The following ATP11C variants were observed in gnomAD, a reference collection of about 807,000 sequenced individuals.
The protein encoded by ATP11C is phospholipid-transporting ATPase IG.
A neutral mutation model predicts 97.4 loss-of-function variants in ATP11C; 36 were observed. That is an observed-to-expected ratio of 0.37 (90% CI 0.28 to 0.49). ATP11C has a LOEUF of 0.49. Ranked by LOEUF, ATP11C falls within the 20% of genes least tolerant of loss-of-function variation. The pLI is 0.98. For synonymous variants in ATP11C, 275 were observed against 290.9 expected (o/e 0.95, Z 0.56); for missense variants, 730 against 824.6 (o/e 0.89, Z 1.40).
chrX:139,826,945 G>A, intron 1 of ATP11C, 122 bp from the exon 2 acceptor site: 1 of 700,025 alleles, frequency 1.4e-6, no homozygotes, highest in Non-Finnish European at 2.1e-6. Context: ...GTAGGGAGAG[G>A]AGAAAACCTT....
chrX:139,770,586 C>A (rs2082234211), intron 19 of ATP11C, among the ~76,000 whole-genome samples: 1 of 110,097 alleles, frequency 9.1e-6, no homozygotes, highest in African/African-American at 3.3e-5. Context: ...TACTAGACCT[C>A]TGATGTGGGT....
At chrX:139,863,327 G>A (rs1020980668) in intron 1 of ATP11C, among the ~76,000 whole-genome samples, 1 of 111,881 alleles carries the variant, frequency 8.9e-6, no homozygotes, top group Non-Finnish European at 1.9e-5. Flanking sequence ...GAGGTCAGGA[G>A]TTCGAGACCA....
chrX:139,836,450 G>C (rs941911654), intron 1 of ATP11C, among the ~76,000 whole-genome samples: 2 of 111,222 alleles, frequency 1.8e-5, no homozygotes, highest in African/African-American at 6.6e-5. Context: ...GGGAGCCGGA[G>C]GTTGCAGTGA....
chrX:139,926,531 G>A (rs2085354200), intron 1 of ATP11C, among the ~76,000 whole-genome samples: 2 of 111,717 alleles, frequency 1.8e-5, no homozygotes, highest in Non-Finnish European at 3.8e-5. Flanking sequence ...CTGCTCAGCA[G>A]GTGGTAAACT....
At chrX:139,780,301 A>G (rs1891570511) in intron 18 of ATP11C, among the ~76,000 whole-genome samples, 1 of 111,685 alleles carries the variant, frequency 9.0e-6, no homozygotes, top group Non-Finnish European at 1.9e-5. Context: ...AAAATCCTCA[A>G]CAAAATACTA....
At chrX:139,863,751 A>C (rs2084239584) in intron 1 of ATP11C, among the ~76,000 whole-genome samples, 1 of 110,611 alleles carries the variant, frequency 9.0e-6, no homozygotes. Flanking sequence ...AACATTCTTA[A>C]AATATTTTTT....
chrX:139,801,867 T>C (rs2082934279), intron 7 of ATP11C, among the ~76,000 whole-genome samples: 1 of 111,951 alleles, frequency 8.9e-6, no homozygotes, highest in East Asian at 2.8e-4. Context: ...GAAGAGGATA[T>C]CCCCCTTCTC....
At chrX:139,742,335 A>G (rs962661327) in intron 26 of ATP11C, among the ~76,000 whole-genome samples, 1 of 112,118 alleles carries the variant, frequency 8.9e-6, no homozygotes, top group African/African-American at 3.2e-5. Flanking sequence ...ACAGAGAGGT[A>G]AAGTTACTTG....
rs1469510232 is a variant in ATP11C, at chrX:139,815,116, A to G, written c.319-131T>C. 1.1e-5 allele frequency: 4 copies of G among 377,073 alleles called. No individual in the cohort carries two copies. The African/African-American group carries it at 1.1e-4, about 10-fold the overall frequency. 31.1% of individuals were successfully genotyped at this position (377,073 alleles called of 1,213,427 possible). ...GCATTAATTTAAACTCAGAATGCTA[A>G]AGAGACAATGCTACACATTTTAATA... On this transcript the variant is annotated intron_variant, in intron 4 of 29. Coordinates refer to ENST00000682941, the MANE Select transcript of ATP11C (RefSeq NM_001353812.2).
At chrX:139,838,861 T>C (rs1020242091) in intron 1 of ATP11C, among the ~76,000 whole-genome samples, 3 of 109,417 alleles carry the variant, frequency 2.7e-5, no homozygotes, top group African/African-American at 1.0e-4. Flanking sequence ...GGCAGGAAAA[T>C]CGCTTGAACC....
chrX:139,926,029 T>C (rs2085346249), intron 1 of ATP11C, among the ~76,000 whole-genome samples: 1 of 112,262 alleles, frequency 8.9e-6, no homozygotes, highest in Non-Finnish European at 1.9e-5. Context: ...CACTCATTCA[T>C]CATTAAGCTG....
chrX:139,809,869 G>A (rs2083131243), intron 5 of ATP11C, among the ~76,000 whole-genome samples: 1 of 111,126 alleles, frequency 9.0e-6, no homozygotes, highest in South Asian at 3.8e-4. Flanking sequence ...GGGAGGCTGA[G>A]GCAGGAGAAT....
At chrX:139,907,917 A>T (rs771947564) in intron 1 of ATP11C, among the ~76,000 whole-genome samples, 12 of 110,743 alleles carry the variant, frequency 1.1e-4, no homozygotes, top group Non-Finnish European at 1.7e-4. Context: ...GTAGAGACAA[A>T]AAGGTCAGAG....
At chrX:139,764,008 T>C (rs1821152958) in intron 20 of ATP11C, among the ~76,000 whole-genome samples, 1 of 112,235 alleles carries the variant, frequency 8.9e-6, no homozygotes, top group Non-Finnish European at 1.9e-5. Flanking sequence ...AGATGTTGAA[T>C]GTGTGACAGT....
At chrX:139,733,773 A>C (rs1478286466) in intron 28 of ATP11C, among the ~76,000 whole-genome samples, 2 of 111,916 alleles carry the variant, frequency 1.8e-5, no homozygotes, top group Non-Finnish European at 3.8e-5. Flanking sequence ...AACTGTAAGC[A>C]CGTTTTGGTG....
At chrX:139,807,115 G>C (rs995757102) in intron 5 of ATP11C, among the ~76,000 whole-genome samples, 4 of 111,294 alleles carry the variant, frequency 3.6e-5, no homozygotes, top group Non-Finnish European at 3.8e-5. Flanking sequence ...AGAAAACCAA[G>C]AAATCATTCT....
intron 15 of ATP11C, among the ~76,000 whole-genome samples, chrX:139,785,725 A>G (rs376425859): frequency 9.0e-6 from 1 of 111,668 alleles, no homozygotes; most frequent in African/African-American, 3.3e-5. Context: ...TCACCATATG[A>G]TAAGGGAGAC....
chrX:139,906,007 C>A (rs759561138), intron 1 of ATP11C, among the ~76,000 whole-genome samples: 20 of 111,451 alleles, frequency 1.8e-4, no homozygotes, highest in South Asian at 7.6e-4. Flanking sequence ...ACCGCCCCCA[C>A]AACAAACACC....
At chrX:139,815,357 T>C (rs1018680962) in intron 4 of ATP11C, among the ~76,000 whole-genome samples, 1 of 112,308 alleles carries the variant, frequency 8.9e-6, no homozygotes, top group African/African-American at 3.2e-5. Flanking sequence ...TATTTTCTTA[T>C]AGCCATAATC....
Sources: gnomAD v4.1 joint callset for allele counts (sites outside exome capture counted in the v4.1 genomes callset) on GRCh38, gnomAD v4.1.1 for gene constraint, MANE v1.5 for transcripts, NCBI Gene and HGNC (gene_info 2026-07-23, HGNC 2026-07-21) for gene names.